Variants in ADARB2 observed in about 807,000 individuals in gnomAD.
The protein encoded by ADARB2 is inactive double-stranded RNA-specific editase B2.
In ADARB2, 25 loss-of-function variants were observed where a neutral mutation model predicts 62.2. The ratio of observed to expected loss-of-function variants is 0.40; its 90% confidence interval spans 0.29 to 0.56. The LOEUF (loss-of-function observed/expected upper bound fraction) is 0.56. ADARB2 is among the 20% of genes least tolerant of loss of function. The pLI is 0.43. For synonymous variants in ADARB2, 572 were observed against 500.8 expected, an observed-to-expected ratio of 1.14 and a Z score of -1.90; for missense variants, 1,071 against 1,077.4, an observed-to-expected ratio of 0.99 and a Z score of 0.08.
intron 1 of ADARB2, among the ~76,000 whole-genome samples, chr10:1,711,239 CTGAGAACAAACTCAAGGTCTCCTATCTG>C (rs1298544574): frequency 5.9e-5 from 9 of 152,138 alleles, no homozygotes; most frequent in East Asian, 3.9e-4. Flanking sequence ...ACATGAGAAG[CTGAGAACAAACTCAAGGTCTCCTATCTG>C]TGAGAACAAA....
intron 1 of ADARB2, among the ~76,000 whole-genome samples, chr10:1,560,158 A>T (rs1329621978): frequency 6.6e-6 from 1 of 152,196 alleles, no homozygotes; most frequent in Non-Finnish European, 1.5e-5. Flanking sequence ...ATTCCTGAAA[A>T]GAAAAGAGAG....
chr10:1,283,066 G>A (rs2805569), intron 3 of ADARB2, among the ~76,000 whole-genome samples: 85,568 of 152,032 alleles, frequency 0.56, 24,391 homozygotes, highest in South Asian at 0.77. Context: ...AGACAAACCT[G>A]TGTTTCTCTA....
chr10:1,617,205 C>G lies in ADARB2; in HGVS notation c.100+119846G>C, dbSNP rs113193550. Among the ~76,000 whole-genome samples, 4 of 136,624 alleles carry G rather than the reference C, an allele frequency of 2.9e-5. No homozygotes were observed. In the East Asian group the frequency reaches 6.5e-4, roughly 22 times the overall value. 89.6% of individuals were successfully genotyped at this position (136,624 alleles called of 152,430 possible). On this transcript the variant is annotated intron_variant, in intron 1 of 9. Transcript: ENST00000381312. ...TTCTGTTGCTAGATGTTTGTGTGCC[C>G]GTCCAGACACACTCCACACCGCCCT... is the stretch of plus-strand genomic sequence containing the variant.
intron 1 of ADARB2, among the ~76,000 whole-genome samples, chr10:1,527,214 A>T (rs1336965007): frequency 6.6e-6 from 1 of 152,160 alleles, no homozygotes; most frequent in African/African-American, 2.4e-5. Flanking sequence ...CTCACTTCCA[A>T]TTCCTTGTGG....
At chr10:1,570,975 T>A (rs1450078772) in intron 1 of ADARB2, among the ~76,000 whole-genome samples, 1 of 152,170 alleles carries the variant, frequency 6.6e-6, no homozygotes, top group Non-Finnish European at 1.5e-5. Flanking sequence ...CCTGCTGGGC[T>A]TTAGGGTCTC....
rs1172476928 is a variant in ADARB2, at chr10:1,184,970, C to A, written c.1934G>T (p.Ser645Ile). The A allele has an allele frequency of 6.2e-7, 1 of 1,613,754 alleles. No homozygotes were observed. Among genetic ancestry groups the A allele is most frequent in the East Asian group, 2.2e-5 (1 of 44,888 alleles). The change falls in exon 9 of 10, where the codon AGC (serine) becomes ATC (isoleucine). Residue 645 changes from serine (S) to isoleucine (I), a missense_variant. Coordinates refer to ENST00000381312, the MANE Select transcript of ADARB2 (RefSeq NM_018702.4). The stretch of plus-strand genomic sequence containing the variant: ...GGCGTTGATAATCTCCAGGTCCGCG[C>A]TGCCCACGACCCAGTTCATGCTGAA... ...PPFSMNWVVG[S>I]ADLEIINATT...
At chr10:1,205,984 AC>A (rs1447817395) in intron 7 of ADARB2, among the ~76,000 whole-genome samples, 1 of 150,872 alleles carries the variant, frequency 6.6e-6, no homozygotes, top group Non-Finnish European at 1.5e-5. Flanking sequence ...GGTGGGTGTC[AC>A]GGGGCAGCCC....
intron 1 of ADARB2, among the ~76,000 whole-genome samples, chr10:1,540,089 GCT>G (rs1832396275): frequency 6.6e-6 from 1 of 152,196 alleles, no homozygotes; most frequent in East Asian, 1.9e-4. Flanking sequence ...AATCGTGGCA[GCT>G]CTGACTTGTT....
chr10:1,595,448 A>G (rs958699245), intron 1 of ADARB2, among the ~76,000 whole-genome samples: 1 of 152,246 alleles, frequency 6.6e-6, no homozygotes, highest in African/African-American at 2.4e-5. Flanking sequence ...GGATCAACAC[A>G]TCAATACAGT....
At chr10:1,437,302 G>A (rs933804654) in intron 1 of ADARB2, among the ~76,000 whole-genome samples, 8 of 151,790 alleles carry the variant, frequency 5.3e-5, no homozygotes, top group African/African-American at 1.5e-4. Context: ...TTCCATATGT[G>A]TGTGTGTGTA....
chr10:1,665,235 C>T (rs1221301194), intron 1 of ADARB2, among the ~76,000 whole-genome samples: 2 of 152,264 alleles, frequency 1.3e-5, no homozygotes, highest in East Asian at 3.8e-4. Flanking sequence ...TGCCCTAGAT[C>T]TTTCCTTAAT....
At chr10:1,676,875 C>G (rs866677501) in intron 1 of ADARB2, among the ~76,000 whole-genome samples, 1 of 149,942 alleles carries the variant, frequency 6.7e-6, no homozygotes, top group African/African-American at 2.4e-5. Context: ...TGGGTGAGGC[C>G]CAGTGAGTGT....
chr10:1,233,014 G>T (rs902417144), intron 6 of ADARB2, among the ~76,000 whole-genome samples: 1 of 152,064 alleles, frequency 6.6e-6, no homozygotes, highest in African/African-American at 2.4e-5. Flanking sequence ...TAAAATGAAA[G>T]AGAGGAGTTT....
At chr10:1,366,871 G>T (rs1832318530) in intron 2 of ADARB2, among the ~76,000 whole-genome samples, 1 of 152,192 alleles carries the variant, frequency 6.6e-6, no homozygotes, top group Admixed American at 6.5e-5. Context: ...AGGCTCTTCT[G>T]CCAGGTGTGG....
rs76729018 is a variant in ADARB2, at chr10:1,463,081, G to T, written c.101-83921C>A. Among the ~76,000 whole-genome samples, 454 of 152,272 alleles carry T rather than the reference G, an allele frequency of 3.0e-3. 1 individual carries two copies. Among genetic ancestry groups the T allele is most frequent in the African/African-American group, 0.01 (435 of 41,532 alleles). Reference sequence around the variant, plus strand: ...TCCATTTAGGGATGCCTAAGTGAGCGGAGCATAGTAACCAGGGTCATGGTG... The same window carrying T: ...TCCATTTAGGGATGCCTAAGTGAGCTGAGCATAGTAACCAGGGTCATGGTG... On this transcript the variant is annotated intron_variant, in intron 1 of 9. Transcript: ENST00000381312.
intron 3 of ADARB2, among the ~76,000 whole-genome samples, chr10:1,336,394 T>C (rs1016880961): frequency 6.6e-6 from 1 of 152,240 alleles, no homozygotes; most frequent in African/African-American, 2.4e-5. Context: ...TCCTAATCAA[T>C]GCTTTAGGCA....
chr10:1,388,306 T>C (rs1315208790), intron 1 of ADARB2, among the ~76,000 whole-genome samples: 1 of 152,152 alleles, frequency 6.6e-6, no homozygotes, highest in African/African-American at 2.4e-5. Context: ...AATGATTTCC[T>C]TGTGGTACTG....
chr10:1,395,466 C>G (rs994365502), intron 1 of ADARB2, among the ~76,000 whole-genome samples: 4 of 152,182 alleles, frequency 2.6e-5, no homozygotes, highest in African/African-American at 9.7e-5. Flanking sequence ...TCCTCTAACT[C>G]CTCCAGCCCT....
chr10:1,232,398 TG>T (rs1396970937), intron 6 of ADARB2, among the ~76,000 whole-genome samples: 1 of 151,828 alleles, frequency 6.6e-6, no homozygotes, highest in Admixed American at 6.6e-5. Flanking sequence ...GTGGTATGCA[TG>T]TGCTTGTGGC....
Sources: allele counts gnomAD v4.1 joint callset (sites outside exome capture counted in the v4.1 genomes callset), GRCh38; gene constraint gnomAD v4.1.1; transcripts MANE v1.5; gene names NCBI Gene and HGNC (gene_info 2026-07-23, HGNC 2026-07-21).